FAM86B1: variants seen among roughly 807,000 people sequenced by gnomAD.
FAM86B1 encodes the protein putative protein N-methyltransferase FAM86B1.
For missense variants in FAM86B1, 13 were observed against 328.1 expected, an observed-to-expected ratio of 0.04 and a Z score of 7.42; for synonymous variants, 4 against 137.6, an observed-to-expected ratio of 0.03 and a Z score of 6.79.
At chr8:12,190,921 T>A (rs1462924895) in intron 2 of FAM86B1, among the ~76,000 whole-genome samples, 4 of 113,526 alleles carry the variant, frequency 3.5e-5, no homozygotes, top group African/African-American at 1.6e-4. Flanking sequence ...TCCCTACATC[T>A]CATGCTTCAC....
In FAM86B1 at chr8:12,182,419, G is replaced by C; in HGVS notation, c.*1187C>G. On this transcript the variant is annotated 3_prime_UTR_variant, in exon 7 of 7. Transcript: ENST00000448228. ...GTGGAGCGCTGCTGGGTTGTGAAGG[G>C]TCTCAAGTCCAAGTGAGGGGGGTTG... The C allele has an allele frequency of 1.0e-6, 1 of 963,664 alleles. No individual in the cohort carries two copies. The highest frequency in any genetic ancestry group is 1.5e-6 in the Non-Finnish European group (1 of 657,804). The allele number at this position is 963,664 out of a possible 1,614,324, so 59.7% of individuals were successfully genotyped here.
At chr8:12,190,889 G>T (rs1344782828) in intron 2 of FAM86B1, among the ~76,000 whole-genome samples, 1 of 87,062 alleles carries the variant, frequency 1.1e-5, no homozygotes, top group Non-Finnish European at 2.1e-5. Flanking sequence ...AACCAGCCTT[G>T]TGCTGGGTTT....
intron 1 of FAM86B1, among the ~76,000 whole-genome samples, chr8:12,192,930 G>T (rs1389602337): frequency 2.4e-4 from 35 of 147,718 alleles, no homozygotes; most frequent in Non-Finnish European, 4.6e-4. Flanking sequence ...ATAGCACAGA[G>T]AGATACAGTC....
intron 3 of FAM86B1, among the ~76,000 whole-genome samples, chr8:12,187,230 G>A (rs1270128863): frequency 3.3e-5 from 1 of 30,586 alleles, no homozygotes. Context: ...TTTGAGCTCT[G>A]TCACCCAGGC....
chr8:12,190,729 C>A (rs1425221429), intron 2 of FAM86B1, among the ~76,000 whole-genome samples: 2 of 97,242 alleles, frequency 2.1e-5, no homozygotes, highest in Non-Finnish European at 2.0e-5. Context: ...GGACTATAGG[C>A]GTGCACCACC....
At chr8:12,189,343 C>A (rs1219685724) in intron 3 of FAM86B1, among the ~76,000 whole-genome samples, 1 of 115,864 alleles carries the variant, frequency 8.6e-6, no homozygotes, top group African/African-American at 4.3e-5. Flanking sequence ...GGAAAGAGCT[C>A]ATTCCAGCAG....
At chr8:12,189,163 C>A (rs1806356239) in intron 3 of FAM86B1, among the ~76,000 whole-genome samples, 1 of 146,696 alleles carries the variant, frequency 6.8e-6, no homozygotes, top group Non-Finnish European at 1.5e-5. Context: ...ACGAGAACTG[C>A]TTGAACCCAG....
At chr8:12,194,165 AGAGGGGGCGGG>A, upstream of FAM86B1, 1 of 1,431,808 alleles carries the variant, frequency 7.0e-7, no homozygotes, top group Non-Finnish European at 9.3e-7. Context: ...GCGGGGGCAG[AGAGGGGGCGGG>A]GCCTGGGGAT....
rs1188719550 is a variant in FAM86B1, at chr8:12,184,169, A to G, written c.791-463T>C. Among the ~76,000 whole-genome samples, 2 of 23,926 alleles carry G rather than the reference A, an allele frequency of 8.4e-5. 1 individual carries two copies. The highest frequency in any genetic ancestry group is 1.3e-4 in the Non-Finnish European group (2 of 14,856). 15.7% of individuals were successfully genotyped at this position (23,926 alleles called of 152,430 possible). Reference sequence around the variant, plus strand: ...ATTGCAGGTTTTTTTTCACGTAAGTATCTGAAGAAAGACTTCCTTTTTTTT... The same window carrying G: ...ATTGCAGGTTTTTTTTCACGTAAGTGTCTGAAGAAAGACTTCCTTTTTTTT... On this transcript the variant is annotated intron_variant, in intron 6 of 6. Coordinates refer to ENST00000448228, the MANE Select transcript of FAM86B1 (RefSeq NM_001083537.4).
At position 12,182,394 on chromosome 8, in the gene FAM86B1, G is replaced by C. The variant is rs573145137; in HGVS notation, c.*1212C>G. The C allele has an allele frequency of 1.3e-5, 8 of 620,596 alleles. No homozygotes were observed. The East Asian group carries it at 2.1e-4, about 16-fold the overall frequency. The allele number at this position is 620,596 out of a possible 1,614,324, so 38.4% of individuals were successfully genotyped here. A position where few individuals can be genotyped will look rare whatever the true frequency, so the allele number is the denominator to read the frequency against. ...CAGAAAGCATGATGTCAAGTTGGAA[G>C]TGGAGCGCTGCTGGGTTGTGAAGGG... is the stretch of plus-strand genomic sequence containing the variant. On this transcript the variant is annotated 3_prime_UTR_variant, in exon 7 of 7. Coordinates refer to ENST00000448228, the MANE Select transcript of FAM86B1 (RefSeq NM_001083537.4).
Position 12,188,129 on chromosome 8 carries a change from C to T in FAM86B1, c.241-1296G>A. On this transcript the variant is annotated intron_variant, in intron 3 of 6. Transcript: ENST00000448228. ...CCTTGGCCATCAGAGTCTCCGTGAG[C>T]ACCTCGTACAGTTTGTCCAAAGGCT... is the stretch of plus-strand genomic sequence containing the variant. 7.7e-6 allele frequency: 7 copies of T among 909,394 alleles called. 1 individual carries two copies. The highest frequency in any genetic ancestry group is 1.0e-5 in the Non-Finnish European group (7 of 687,050). The allele number at this position is 909,394 out of a possible 1,614,324, so 56.3% of individuals were successfully genotyped here.
chr8:12,194,215 AC>A, upstream of FAM86B1: 1 of 767,692 alleles, frequency 1.3e-6, no homozygotes, highest in East Asian at 2.7e-5. Flanking sequence ...CTGGGGGCGG[AC>A]TCTAGGGCGG....
chr8:12,191,289 C>G (rs2150746828), intron 2 of FAM86B1, among the ~76,000 whole-genome samples: 1 of 73,724 alleles, frequency 1.4e-5, no homozygotes, highest in South Asian at 4.2e-4. Flanking sequence ...ACTTGGCCCT[C>G]AATGCCAAGG....
At chr8:12,185,787 GC>G in intron 5 of FAM86B1, 1 of 350,042 alleles carries the variant, frequency 2.9e-6, no homozygotes, top group Non-Finnish European at 4.8e-6. Flanking sequence ...CTGGTTCTCG[GC>G]CTGTCTAGAG....
intron 1 of FAM86B1, among the ~76,000 whole-genome samples, chr8:12,192,628 C>A (rs1374409606): frequency 4.7e-5 from 4 of 85,934 alleles, no homozygotes; most frequent in African/African-American, 1.7e-4. Context: ...TCACCATTTC[C>A]CTGTTTTATT....
chr8:12,184,110 T>G, intron 6 of FAM86B1, among the ~76,000 whole-genome samples: 2 of 59,242 alleles, frequency 3.4e-5, no homozygotes, highest in Non-Finnish European at 5.9e-5. Flanking sequence ...ATACTATGTG[T>G]GCTGCTTGGC....
In FAM86B1 at chr8:12,183,396, TC is replaced by T. The variant is rs1356122140; in HGVS notation, c.*209del. The T allele has an allele frequency of 3.8e-4, 164 of 433,312 alleles. No homozygotes were observed. The highest frequency in any genetic ancestry group is 6.2e-4 in the Non-Finnish European group (146 of 234,372). The allele number at this position is 433,312 out of a possible 1,614,324, so 26.8% of individuals were successfully genotyped here. A position where few individuals can be genotyped will look rare whatever the true frequency, so the allele number is the denominator to read the frequency against. ...TTTCATGTCTGATTTATGATGATTT[TC>T]TTGAGAACCAGAACTGCTGGCAGAA... On this transcript the variant is annotated 3_prime_UTR_variant, in exon 7 of 7. Transcript: ENST00000448228.
At chr8:12,194,645 G>C (rs868275272), upstream of FAM86B1, 1 of 165,488 alleles carries the variant, frequency 6.0e-6, no homozygotes, top group Non-Finnish European at 1.2e-5. Context: ...TTGGGGAGGG[G>C]CCCAGTGCCC....
At chr8:12,192,956 C>G (rs1309131143) in intron 1 of FAM86B1, among the ~76,000 whole-genome samples, 1 of 144,804 alleles carries the variant, frequency 6.9e-6, no homozygotes, top group Admixed American at 6.7e-5. Context: ...CCCAAGGTCA[C>G]ACAGGGCCAG....
Sources: allele counts gnomAD v4.1 joint callset (sites outside exome capture counted in the v4.1 genomes callset), GRCh38; gene constraint gnomAD v4.1.1; transcripts MANE v1.5; gene names NCBI Gene and HGNC (gene_info 2026-07-23, HGNC 2026-07-21).